Variants in PIK3R1 observed in about 807,000 individuals in gnomAD.
PIK3R1 encodes the protein phosphoinositide-3-kinase regulatory subunit 1.
In PIK3R1, 29 loss-of-function variants were observed where a neutral mutation model predicts 98.0. That is an observed-to-expected ratio of 0.30 (90% CI 0.22 to 0.40). The LOEUF is 0.40. PIK3R1 is among the 10% of genes least tolerant of loss of function. The probability of loss-of-function intolerance (pLI) is 1.00; values close to 1 mark genes in which losing one functional copy is unlikely to be tolerated. For missense variants in PIK3R1, 596 were observed against 872.7 expected (o/e 0.68, Z 3.99); for synonymous variants, 282 against 311.8 (o/e 0.90, Z 1.01).
intron 7 of PIK3R1, among the ~76,000 whole-genome samples, chr5:68,285,527 G>A (rs1206948445): frequency 2.0e-5 from 3 of 152,174 alleles, no homozygotes; most frequent in Non-Finnish European, 4.4e-5. Context: ...AGAACTAAAC[G>A]GGCAAGCCAC....
At chr5:68,280,758 TG>T in intron 6 of PIK3R1, 29 bp downstream of exon 6, 1 of 1,592,906 alleles carries the variant, frequency 6.3e-7, no homozygotes, top group Non-Finnish European at 8.6e-7. Flanking sequence ...ACATGTATTT[TG>T]GGGTGATGAG....
At chr5:68,276,230 T>G (rs1746566656) in intron 4 of PIK3R1, among the ~76,000 whole-genome samples, 3 of 152,214 alleles carry the variant, frequency 2.0e-5, no homozygotes, top group African/African-American at 7.2e-5. Context: ...GGCTGGATAA[T>G]TCTTTGCTGG....
At chr5:68,287,350 G>A (rs1747121108) in intron 7 of PIK3R1, among the ~76,000 whole-genome samples, 1 of 152,116 alleles carries the variant, frequency 6.6e-6, no homozygotes, top group Admixed American at 6.5e-5. Context: ...TGAGGAGCAG[G>A]GACAATGGGT....
At chr5:68,277,214 G>A (rs12656176) in intron 4 of PIK3R1, among the ~76,000 whole-genome samples, 29,507 of 152,176 alleles carry the variant, frequency 0.19, 2,979 homozygotes, top group South Asian at 0.22. Context: ...CCAGAAGCAC[G>A]GCCAAGAGTG....
At chr5:68,243,388 A>G (rs531558667) in intron 2 of PIK3R1, among the ~76,000 whole-genome samples, 9 of 152,346 alleles carry the variant, frequency 5.9e-5, no homozygotes, top group East Asian at 1.9e-4. Context: ...GTCCTCTCCT[A>G]TGAACTCTAA....
Position 68,236,439 on chromosome 5 carries a change from C to T in PIK3R1, c.334+9430C>T, listed in dbSNP as rs187219210. 2.7e-3 allele frequency among the ~76,000 whole-genome samples: 409 copies of T among 151,428 alleles called. 2 individuals are homozygous for T. The highest frequency in any genetic ancestry group is 9.5e-3 in the African/African-American group (392 of 41,268). On this transcript the variant is annotated intron_variant, in intron 2 of 15. Transcript: ENST00000521381. ...TAATTTTTTGTATTTTTTGTAGAGA[C>T]GGGGTTTCACTGTGTTAGCCAGGAT...
At chr5:68,288,372 TTATC>T (rs1580254095) in intron 7 of PIK3R1, 1 of 1,089,052 alleles carries the variant, frequency 9.2e-7, no homozygotes, top group Non-Finnish European at 1.1e-6. Flanking sequence ...GCTGCGATCT[TTATC>T]TAAGGGAGAC....
Position 68,293,756 on chromosome 5 carries a change from A to G in PIK3R1, c.1347A>G (p.Leu449=), listed in dbSNP as rs1358688429. ...ATATTGAAGCTGTAGGGAAAAAATT[A>G]CATGAATATAACACTCAGTTTCAAG... ...EDNIEAVGKK[L]HEYNTQFQEK... is the part of the protein sequence containing the mutation. Residue 449 remains leucine (L), a synonymous_variant, in exon 11 of 16, where the codon TTA becomes TTG. Transcript: ENST00000521381. 6.5e-7 allele frequency: 1 copy of G among 1,531,574 alleles called. No homozygotes were observed. The highest frequency in any genetic ancestry group is 9.0e-7 in the Non-Finnish European group (1 of 1,114,054). The allele number at this position is 1,531,574 out of a possible 1,614,324, so 94.9% of individuals were successfully genotyped here. A position where few individuals can be genotyped will look rare whatever the true frequency, so the allele number is the denominator to read the frequency against.
intron 2 of PIK3R1, among the ~76,000 whole-genome samples, chr5:68,227,929 T>C (rs1744342190): frequency 6.6e-6 from 1 of 152,260 alleles, no homozygotes; most frequent in Non-Finnish European, 1.5e-5. Flanking sequence ...CAGGCACAGC[T>C]GTGTCTTTAA....
chr5:68,273,195 G>A (rs1344836846), intron 2 of PIK3R1, among the ~76,000 whole-genome samples, 195 bp from the exon 3 acceptor site: 1 of 152,164 alleles, frequency 6.6e-6, no homozygotes, highest in Non-Finnish European at 1.5e-5. Flanking sequence ...AGGAAATCCT[G>A]GAGCATTACT....
At chr5:68,295,581 T>G (rs776187006) in intron 14 of PIK3R1, 93 bp downstream of exon 14, 33 of 1,055,600 alleles carry the variant, frequency 3.1e-5, no homozygotes, top group Non-Finnish European at 4.7e-5. Context: ...GTGAGGAATT[T>G]TACTGAGTTT....
At chr5:68,258,553 G>A (rs1677824137) in intron 2 of PIK3R1, among the ~76,000 whole-genome samples, 1 of 152,198 alleles carries the variant, frequency 6.6e-6, no homozygotes, top group Non-Finnish European at 1.5e-5. Flanking sequence ...AGCTCATAAT[G>A]TCAAGATGTG....
At chr5:68,293,053 G>C (rs758276765) in intron 8 of PIK3R1, 48 bp from the exon 9 acceptor site, 8 of 1,432,650 alleles carry the variant, frequency 5.6e-6, no homozygotes, top group South Asian at 3.5e-5. Flanking sequence ...ATATAAATCT[G>C]TGGTCACTAA....
chr5:68,279,231 GGT>G (rs1276349435), intron 4 of PIK3R1, among the ~76,000 whole-genome samples: 1 of 152,124 alleles, frequency 6.6e-6, no homozygotes, highest in Non-Finnish European at 1.5e-5. Context: ...GGCTTAGAGG[GGT>G]GGGACAGAGG....
chr5:68,255,397 G>A (rs1009834668), intron 2 of PIK3R1, among the ~76,000 whole-genome samples: 1 of 152,098 alleles, frequency 6.6e-6, no homozygotes, highest in African/African-American at 2.4e-5. Flanking sequence ...TCATTATCTG[G>A]GTCAGCCTCC....
intron 1 of PIK3R1, among the ~76,000 whole-genome samples, chr5:68,220,324 C>A (rs1453991032): frequency 1.3e-5 from 2 of 152,164 alleles, no homozygotes; most frequent in African/African-American, 4.8e-5. Flanking sequence ...TTGAAGTCAT[C>A]CCCTTCAGTC....
intron 5 of PIK3R1, among the ~76,000 whole-genome samples, 187 bp downstream of exon 5, chr5:68,279,920 G>T (rs1259880458): frequency 1.3e-5 from 2 of 152,200 alleles, no homozygotes; most frequent in African/African-American, 4.8e-5. Context: ...ATTCTCATTT[G>T]CTTGGGAAGC....
chr5:68,278,513 A>C (rs943443763), intron 4 of PIK3R1, among the ~76,000 whole-genome samples: 3 of 152,178 alleles, frequency 2.0e-5, no homozygotes, highest in African/African-American at 7.2e-5. Context: ...CATTTACTAT[A>C]TGACTAACCA....
chr5:68,254,834 T>G (rs1745448018), intron 2 of PIK3R1, among the ~76,000 whole-genome samples: 1 of 82,564 alleles, frequency 1.2e-5, no homozygotes, highest in Non-Finnish European at 2.4e-5. Flanking sequence ...TTTTCTTTTT[T>G]TCTTTTTTTT....
Sources: allele counts gnomAD v4.1 joint callset (sites outside exome capture counted in the v4.1 genomes callset), GRCh38; gene constraint gnomAD v4.1.1; transcripts MANE v1.5; gene names NCBI Gene and HGNC (gene_info 2026-07-23, HGNC 2026-07-21).